Variants in CFAP58 observed in about 807,000 individuals in gnomAD.
The protein encoded by CFAP58 is cilia- and flagella-associated protein 58.
CFAP58 carries 88 observed loss-of-function variants against 119.5 expected under a neutral mutation model. The observed-to-expected ratio is 0.74, with a 90% CI of 0.62 to 0.88. CFAP58 has a LOEUF of 0.88. Ranked by LOEUF, CFAP58 falls within the 40% of genes least tolerant of loss-of-function variation. The pLI is 0.00. For missense variants in CFAP58, 990 were observed against 1,021.2 expected (o/e 0.97, Z 0.42); for synonymous variants, 365 against 366.3 (o/e 1.00, Z 0.04).
At chr10:104,454,358 A>T in intron 17 of CFAP58, 64 bp from the exon 18 acceptor site, 1 of 1,290,296 alleles carries the variant, frequency 7.8e-7, no homozygotes, top group South Asian at 1.2e-5. Context: ...CCCTAGGATT[A>T]TCAAATGTCA....
the CFAP58 span, among the ~76,000 whole-genome samples, chr10:104,348,515 A>C: frequency 2.0e-5 from 3 of 152,184 alleles, no homozygotes; most frequent in African/African-American, 7.2e-5. Flanking sequence ...TCTGGCAGAA[A>C]AAATGGGTGT....
At chr10:104,393,037 A>G (rs777827305) in intron 10 of CFAP58, among the ~76,000 whole-genome samples, 1 of 152,180 alleles carries the variant, frequency 6.6e-6, no homozygotes, top group Non-Finnish European at 1.5e-5. Context: ...TCTTTTAGTT[A>G]TATGTTTGTT....
chr10:104,454,323 A>G (rs17117058), intron 17 of CFAP58, 99 bp from the exon 18 acceptor site: 39,954 of 895,300 alleles, frequency 0.045, 2,045 homozygotes, highest in African/African-American at 0.21. Flanking sequence ...AGCTGTAATC[A>G]AAGTAGTTTT....
intron 1 of CFAP58, 87 bp from the exon 2 acceptor site, chr10:104,358,254 T>C: frequency 3.6e-6 from 5 of 1,376,290 alleles, no homozygotes; most frequent in Non-Finnish European, 4.9e-6. Flanking sequence ...ATGGAGGTGT[T>C]TCATTCAGAG....
intron 2 of CFAP58, 26 bp downstream of exon 2, chr10:104,358,648 G>A (rs1449149165): frequency 6.3e-7 from 1 of 1,589,974 alleles, no homozygotes; most frequent in Non-Finnish European, 8.6e-7. Context: ...GAAATGGAAT[G>A]AACCTGAATT....
intron 16 of CFAP58, among the ~76,000 whole-genome samples, chr10:104,448,556 G>C (rs970492662): frequency 6.6e-6 from 1 of 152,242 alleles, no homozygotes; most frequent in Non-Finnish European, 1.5e-5. Flanking sequence ...GCATGTGCCA[G>C]TTGAATTCTG....
rs1395177168 is a variant in CFAP58 at position 104,424,253 on chromosome 10, G to A, written c.2256+17460G>A. Reference sequence around the variant, plus strand: ...TTGACACACAGTCTTCTCTGGAGCCGGTGCCAAATCTGTAGCATATTAAGT... The same window carrying A: ...TTGACACACAGTCTTCTCTGGAGCCAGTGCCAAATCTGTAGCATATTAAGT... On this transcript the variant is annotated intron_variant, in intron 15 of 17. Coordinates refer to ENST00000369704, the MANE Select transcript of CFAP58 (RefSeq NM_001008723.2). 3.3e-5 allele frequency among the ~76,000 whole-genome samples: 5 copies of A among 152,120 alleles called. No homozygotes were observed. The East Asian group carries it at 7.7e-4, about 23-fold the overall frequency.
rs148669291 is a variant in CFAP58, at chr10:104,410,823, A to G, written c.2256+4030A>G. 2.0e-3 allele frequency among the ~76,000 whole-genome samples: 306 copies of G among 152,268 alleles called. 2 individuals carry two copies. The highest frequency in any genetic ancestry group is 0.01 in the Middle Eastern group (3 of 294). On this transcript the variant is annotated intron_variant, in intron 15 of 17. Transcript: ENST00000369704. The stretch of plus-strand genomic sequence containing the variant: ...TTTATTCACTCCTCCTGGAACTCTT[A>G]TTAGAAGTACGTTGGGTTTTCTTAT...
intron 15 of CFAP58, among the ~76,000 whole-genome samples, chr10:104,421,830 A>C (rs2012663266): frequency 6.6e-6 from 1 of 152,234 alleles, no homozygotes; most frequent in African/African-American, 2.4e-5. Context: ...TTTATCAAGC[A>C]CATAGCTCAA....
At chr10:104,373,518 G>A (rs2014850803) in intron 7 of CFAP58, among the ~76,000 whole-genome samples, 1 of 152,134 alleles carries the variant, frequency 6.6e-6, no homozygotes, top group Non-Finnish European at 1.5e-5. Context: ...CGCACCTGTA[G>A]TGGCACATGC....
At chr10:104,371,702 C>G (rs1176086911) in intron 7 of CFAP58, among the ~76,000 whole-genome samples, 1 of 152,206 alleles carries the variant, frequency 6.6e-6, no homozygotes, top group African/African-American at 2.4e-5. Context: ...TGGGCACTGC[C>G]TGGCACACAC....
chr10:104,399,303 G>A (rs1371026175), intron 11 of CFAP58, 57 bp from the exon 12 acceptor site: 53 of 1,586,824 alleles, frequency 3.3e-5, no homozygotes, highest in South Asian at 1.8e-4. Context: ...GGGCCCTGTC[G>A]TCCTGGTTTG....
intron 13 of CFAP58, 28 bp from the exon 14 acceptor site, chr10:104,403,701 T>C (rs1057212189): frequency 2.0e-6 from 3 of 1,487,150 alleles, no homozygotes; most frequent in African/African-American, 2.8e-5. Flanking sequence ...TGGATAATTC[T>C]TTGCAAAATC....
chr10:104,346,731 G>A, the CFAP58 span, among the ~76,000 whole-genome samples: 4 of 147,480 alleles, frequency 2.7e-5, no homozygotes, highest in Non-Finnish European at 5.9e-5. Flanking sequence ...CGCCTCCTGG[G>A]TTCAAGTGAT....
chr10:104,438,665 G>A (rs2012985615), intron 15 of CFAP58, among the ~76,000 whole-genome samples: 1 of 152,142 alleles, frequency 6.6e-6, no homozygotes, highest in South Asian at 2.1e-4. Context: ...GTGAGCCACC[G>A]CGCCCGGCCC....
intron 15 of CFAP58, among the ~76,000 whole-genome samples, chr10:104,407,569 G>A (rs1363208589): frequency 6.6e-6 from 1 of 152,150 alleles, no homozygotes; most frequent in Non-Finnish European, 1.5e-5. Context: ...TGTATTATGG[G>A]ACAATAACAG....
intron 15 of CFAP58, among the ~76,000 whole-genome samples, chr10:104,414,876 A>G (rs918612256): frequency 6.6e-6 from 1 of 152,010 alleles, no homozygotes; most frequent in Non-Finnish European, 1.5e-5. Context: ...GTTTCACCGA[A>G]TTTTATTTTA....
At position 104,424,104 on chromosome 10, in the gene CFAP58, T is replaced by C. The variant is rs911947909; in HGVS notation, c.2256+17311T>C. 2.6e-5 allele frequency among the ~76,000 whole-genome samples: 4 copies of C among 152,336 alleles called. No homozygotes were observed. The East Asian group carries it at 7.7e-4, about 29-fold the overall frequency. ...ATTATCTTAAAGCAGCTCTGATAGATGGGTGTCAAGTCTGGCTCATGTTTC... is the reference window on the plus strand; with the variant it reads ...ATTATCTTAAAGCAGCTCTGATAGACGGGTGTCAAGTCTGGCTCATGTTTC... On this transcript the variant is annotated intron_variant, in intron 15 of 17. Transcript: ENST00000369704.
the CFAP58 span, among the ~76,000 whole-genome samples, chr10:104,345,183 A>G: frequency 2.0e-5 from 3 of 152,140 alleles, no homozygotes; most frequent in East Asian, 1.9e-4. Context: ...TTCCTTTAAT[A>G]TAGCAGATTT....
Sources: allele counts gnomAD v4.1 joint callset (sites outside exome capture counted in the v4.1 genomes callset), GRCh38; gene constraint gnomAD v4.1.1; transcripts MANE v1.5; gene names NCBI Gene and HGNC (gene_info 2026-07-23, HGNC 2026-07-21).